Variants in ENDOG observed in about 807,000 individuals in gnomAD.
The protein encoded by ENDOG is endonuclease G, mitochondrial.
Under a neutral mutation model 22.6 loss-of-function variants are expected in ENDOG, and 22 were observed. The ratio of observed to expected loss-of-function variants is 0.97; its 90% confidence interval spans 0.70 to 1.39. The LOEUF is 1.39. Among genes scored for constraint, ENDOG ranks in the 40% most tolerant of loss-of-function variants. The probability of loss-of-function intolerance (pLI) is 0.00; values close to 1 mark genes in which losing one functional copy is unlikely to be tolerated. For missense variants in ENDOG, 403 were observed against 431.3 expected, an observed-to-expected ratio of 0.93 and a Z score of 0.58; for synonymous variants, 173 against 200.2, an observed-to-expected ratio of 0.86 and a Z score of 1.15.
At chr9:128,819,608 C>T (rs1274581661) in intron 1 of ENDOG, 2 of 180,680 alleles carry the variant, frequency 1.1e-5, no homozygotes, top group African/African-American at 2.4e-5. Flanking sequence ...AGTTTTTCCA[C>T]GGCTTGGTGG....
Position 128,818,865 on chromosome 9 carries a change from C to A in ENDOG, c.181C>A (p.Pro61Thr). 1 of 1,423,714 alleles carries A rather than the reference C, an allele frequency of 7.0e-7. No individual in the cohort carries two copies. The allele number at this position is 1,423,714 out of a possible 1,614,324, so 88.2% of individuals were successfully genotyped here. The change falls in exon 1 of 3, where the codon CCG becomes ACG. Residue 61 changes from proline to threonine, a missense_variant. Pro to Thr is a conservative substitution (Grantham distance 38). Transcript: ENST00000372642. ...CCCTGTGCCCGGGGGACCCCGCGGCCCGGGCGAGCTGGCCAAGTACGGGCT... is the reference window on the plus strand; with the variant it reads ...CCCTGTGCCCGGGGGACCCCGCGGCACGGGCGAGCTGGCCAAGTACGGGCT... The part of the protein sequence containing the change: ...LPPVPGGPRG[P>T]GELAKYGLPG...
chr9:128,820,787 C>T lies in ENDOG; in HGVS notation c.550C>T (p.Arg184Cys), dbSNP rs547914635. Residue 184 changes from arginine to cysteine, a missense_variant, in exon 2 of 3, where the codon CGC becomes TGC. Transcript: ENST00000372642. ...CTGGAACAACCTGGAGAAATATAGC[C>T]GCAGCTTGACCCGCAGCTACCAAAA... ...NAWNNLEKYS[R>C]SLTRSYQNVY... 4.3e-5 allele frequency: 70 copies of T among 1,612,456 alleles called. No individual in the cohort carries two copies. In the Middle Eastern group the frequency reaches 5.0e-4, roughly 11 times the overall value.
intron 2 of ENDOG, 48 bp downstream of exon 2, chr9:128,820,896 C>G: frequency 6.7e-7 from 1 of 1,498,278 alleles, no homozygotes; most frequent in African/African-American, 1.4e-5. Flanking sequence ...TCACCTGAGG[C>G]CCCTACTGCC....
chr9:128,819,526 A>G (rs1486169878), intron 1 of ENDOG: 1 of 288,242 alleles, frequency 3.5e-6, no homozygotes, highest in Non-Finnish European at 6.5e-6. Context: ...GTCACACAGC[A>G]GAAGAAGGCT....
chr9:128,820,652 T>A, intron 1 of ENDOG, 87 bp from the exon 2 acceptor site: 3 of 1,094,902 alleles, frequency 2.7e-6, no homozygotes, highest in Non-Finnish European at 4.1e-6. Context: ...TCTGAGCCTG[T>A]CCATCCCCTC....
rs1336962569 is a variant in ENDOG at position 128,819,193 on chromosome 9, C to T, written c.501+8C>T. 1.4e-6 allele frequency: 2 copies of T among 1,468,468 alleles called. No individual in the cohort carries two copies. The highest frequency in any genetic ancestry group is 1.5e-5 in the African/African-American group (1 of 67,178). The allele number at this position is 1,468,468 out of a possible 1,614,324, so 91.0% of individuals were successfully genotyped here. A position where few individuals can be genotyped will look rare whatever the true frequency, so the allele number is the denominator to read the frequency against. ...AGCAACGTCGCGCCCCAGGTAGCGC[C>T]CGCGCCCCGGGCCGGTCGCGGAATG... On this transcript the variant is annotated splice_region_variant and intron_variant, in intron 1 of 2. Transcript: ENST00000372642.
chr9:128,821,045 T>C (rs1830103279), intron 2 of ENDOG, 197 bp downstream of exon 2: 3 of 593,396 alleles, frequency 5.1e-6, no homozygotes, highest in Non-Finnish European at 9.0e-6. Context: ...CGGGTACCCC[T>C]GACCATCTCT....
rs1350259165 is a variant in ENDOG, at chr9:128,822,358, G to C, written c.642G>C (p.Lys214Asn). 1.2e-6 allele frequency: 2 copies of C among 1,613,858 alleles called. No individual in the cohort carries two copies. Among genetic ancestry groups the C allele is most frequent in the African/African-American group, 2.7e-5 (2 of 74,942 alleles). Residue 214 changes from lysine to asparagine, a missense_variant, in exon 3 of 3, where the codon AAG becomes AAC. Lys to Asn is a moderately conservative substitution (Grantham distance 94). Transcript: ENST00000372642. The stretch of plus-strand genomic sequence containing the variant: ...AGGCTGATGGGAAATCCTACGTAAA[G>C]TACCAGGTCATCGGCAAGAACCACG... Reference protein sequence around the residue: ...RTEADGKSYVKYQVIGKNHVA... With the variant: ...RTEADGKSYVNYQVIGKNHVA...
At position 128,822,309 on chromosome 9, in the gene ENDOG, T is replaced by G; in HGVS notation, c.612-19T>G. The G allele has an allele frequency of 6.2e-7, 1 of 1,607,780 alleles. No homozygotes were observed. ...TTCATCCAGGCCCCCTGCCCACGTG[T>G]GCCTGGGTCTGCCCACAGGACAGAG... On this transcript the variant is annotated intron_variant, in intron 2 of 2. Transcript: ENST00000372642.
chr9:128,818,729 G>C lies in ENDOG; in HGVS notation c.45G>C (p.Gly15=). The C allele has an allele frequency of 8.5e-7, 1 of 1,175,038 alleles. No individual in the cohort carries two copies. The highest frequency in any genetic ancestry group is 1.1e-6 in the Non-Finnish European group (1 of 951,982). The allele number at this position is 1,175,038 out of a possible 1,614,324, so 72.8% of individuals were successfully genotyped here. Residue 15 remains glycine, a synonymous_variant, in exon 1 of 3, where the codon GGG becomes GGC. Coordinates refer to ENST00000372642, the MANE Select transcript of ENDOG (RefSeq NM_004435.2). ...RAGLTLASGA[G]LGAVVEGWRR... is the part of the protein sequence containing the mutation. Reference sequence around the variant, plus strand: ...GCCTGACCCTGGCGTCGGGCGCGGGGCTGGGTGCGGTCGTCGAGGGCTGGC... The same window carrying C: ...GCCTGACCCTGGCGTCGGGCGCGGGCCTGGGTGCGGTCGTCGAGGGCTGGC...
chr9:128,819,538 T>G, intron 1 of ENDOG: 1 of 264,950 alleles, frequency 3.8e-6, no homozygotes, highest in Non-Finnish European at 7.1e-6. Flanking sequence ...AAGAAGGCTG[T>G]CTGTTGTAGA....
chr9:128,819,210 C>A (rs925862568), intron 1 of ENDOG, 25 bp downstream of exon 1: 4 of 1,442,274 alleles, frequency 2.8e-6, no homozygotes, highest in Admixed American at 3.1e-5. Flanking sequence ...CCGGGCCGGT[C>A]GCGGAATGCG....
At chr9:128,821,385 C>A (rs1443466369) in intron 2 of ENDOG, 3 of 169,504 alleles carry the variant, frequency 1.8e-5, no homozygotes, top group African/African-American at 7.3e-5. Context: ...AGCTCTCCCG[C>A]CTTCCCCATG....
chr9:128,819,557 G>C, intron 1 of ENDOG: 1 of 227,288 alleles, frequency 4.4e-6, no homozygotes, highest in South Asian at 1.1e-4. Flanking sequence ...GAACCGCAGC[G>C]CCCAACCTAT....
chr9:128,822,469 C>T lies in ENDOG; in HGVS notation c.753C>T (p.Asn251=), dbSNP rs114117166. Residue 251 remains asparagine, a synonymous_variant, in exon 3 of 3, where the codon AAC becomes AAT. Coordinates refer to ENST00000372642, the MANE Select transcript of ENDOG (RefSeq NM_004435.2). ...QIELRTYVMP[N]APVDEAIPLE... ...AGCTCCGCACCTACGTGATGCCCAA[C>T]GCACCTGTGGATGAGGCCATCCCAC... 1,037 of 1,573,508 alleles carry T rather than the reference C, an allele frequency of 6.6e-4. 7 individuals are homozygous for T. In the African/African-American group the frequency reaches 8.4e-3, roughly 13 times the overall value.
chr9:128,818,904 C>T lies in ENDOG; in HGVS notation c.220C>T (p.Gln74Ter). The change falls in exon 1 of 3, where the codon CAG becomes TAG. Residue 74 changes from glutamine (Q) to a stop codon, truncating the protein, a stop_gained. Coordinates refer to ENST00000372642, the MANE Select transcript of ENDOG (RefSeq NM_004435.2). LOFTEE classifies it high-confidence loss of function. ...LAKYGLPGLA[Q>*]LKSRESYVLC... ...CAAGTACGGGCTGCCGGGGCTGGCG[C>T]AGCTCAAGAGCCGCGAGTCGTACGT... The T allele has an allele frequency of 1.4e-6, 2 of 1,473,094 alleles. No homozygotes were observed. Among genetic ancestry groups the T allele is most frequent in the Non-Finnish European group, 1.8e-6 (2 of 1,120,470 alleles). 91.3% of individuals were successfully genotyped at this position (1,473,094 alleles called of 1,614,324 possible). A position where few individuals can be genotyped will look rare whatever the true frequency, so the allele number is the denominator to read the frequency against.
At chr9:128,822,142 A>T in intron 2 of ENDOG, 186 bp from the exon 3 acceptor site, 1 of 670,020 alleles carries the variant, frequency 1.5e-6, no homozygotes, top group South Asian at 1.9e-5. Flanking sequence ...AGAGGGAAAG[A>T]GTTAACCACC....
intron 1 of ENDOG, 115 bp from the exon 2 acceptor site, chr9:128,820,624 C>A (rs1466699113): frequency 2.4e-6 from 2 of 829,924 alleles, no homozygotes; most frequent in African/African-American, 1.7e-5. Context: ...TTTCCCCCCG[C>A]TTGTCTCACT....
chr9:128,821,047 AC>A (rs1183232413), intron 2 of ENDOG, 199 bp downstream of exon 2: 17 of 591,154 alleles, frequency 2.9e-5, no homozygotes, highest in Non-Finnish European at 4.5e-5. Flanking sequence ...GGTACCCCTG[AC>A]CATCTCTCCT....
Sources: allele counts gnomAD v4.1 joint callset, GRCh38; gene constraint gnomAD v4.1.1; transcripts MANE v1.5; gene names NCBI Gene and HGNC (gene_info 2026-07-23, HGNC 2026-07-21).